The following ICE2 variants were observed in gnomAD, a reference collection of about 807,000 sequenced individuals.
ICE2 encodes the protein interactor of little elongation complex ELL subunit 2.
ICE2 carries 87 observed loss-of-function variants against 105.4 expected under a neutral mutation model. The observed-to-expected ratio is 0.83, with a 90% CI of 0.69 to 0.99. ICE2 has a LOEUF of 0.99. Among genes scored for constraint, ICE2 ranks in the 50% least tolerant of loss-of-function variants. ICE2 has a pLI of 0.00. For missense variants in ICE2, 1,323 were observed against 1,146.7 expected, an observed-to-expected ratio of 1.15 and a Z score of -2.22; for synonymous variants, 399 against 392.0, an observed-to-expected ratio of 1.02 and a Z score of -0.21.
At position 60,454,729 on chromosome 15, in the gene ICE2, G is replaced by A. The variant is rs180988346; in HGVS notation, c.943+274C>T. On this transcript the variant is annotated intron_variant, in intron 8 of 15. Transcript: ENST00000261520. ...TTACTTTAAGTTCGGGGATACATGT[G>A]GAGAATGGGCAGGTTTGTTACATAG... The A allele has an allele frequency of 3.6e-5, 11 of 302,580 alleles. No homozygotes were observed. The East Asian group carries it at 6.1e-4, about 17-fold the overall frequency. 18.7% of individuals were successfully genotyped at this position (302,580 alleles called of 1,614,324 possible). A position where few individuals can be genotyped will look rare whatever the true frequency, so the allele number is the denominator to read the frequency against.
chr15:60,425,644 T>A (rs1399958978), intron 15 of ICE2, among the ~76,000 whole-genome samples: 2 of 152,168 alleles, frequency 1.3e-5, no homozygotes, highest in African/African-American at 2.4e-5. Context: ...AAGGATGAGA[T>A]CAGAGTTCAA....
At chr15:60,468,439 G>T in intron 3 of ICE2, 117 bp from the exon 4 acceptor site, 2 of 766,998 alleles carry the variant, frequency 2.6e-6, no homozygotes, top group African/African-American at 1.7e-5. Context: ...AGTAAACTCT[G>T]GATTATTATC....
In ICE2 at chr15:60,454,625, T is replaced by C. The variant is rs146377372; in HGVS notation, c.943+378A>G. 3.8e-5 allele frequency: 6 copies of C among 159,922 alleles called. No individual in the cohort carries two copies. The East Asian group carries it at 1.1e-3, about 29-fold the overall frequency. The allele number at this position is 159,922 out of a possible 1,614,324, so 9.9% of individuals were successfully genotyped here. On this transcript the variant is annotated intron_variant, in intron 8 of 15. Transcript: ENST00000261520. Reference sequence around the variant, plus strand: ...TTACATCCTCCTTAAATCAGTACTTTGATATCTGACAACTGACCACCTATA... The same window carrying C: ...TTACATCCTCCTTAAATCAGTACTTCGATATCTGACAACTGACCACCTATA...
chr15:60,449,646 T>C lies in ICE2; in HGVS notation c.1321A>G (p.Thr441Ala). The change falls in exon 10 of 16, where the codon ACT becomes GCT. Residue 441 changes from threonine (T) to alanine (A), a missense_variant. Coordinates refer to ENST00000261520, the MANE Select transcript of ICE2 (RefSeq NM_024611.6). ...ATGTCTGGTGCACTTGGTGCCACAG[T>C]TGTAGTTCCTGCTTTGGGGGCTGTA... ...APTAPKAGTTTVAPSAPDISA... is the reference protein window; with the variant it reads ...APTAPKAGTTAVAPSAPDISA... 1.9e-6 allele frequency: 3 copies of C among 1,614,138 alleles called. No homozygotes were observed. The highest frequency in any genetic ancestry group is 2.2e-5 in the South Asian group (2 of 91,078).
intron 9 of ICE2, among the ~76,000 whole-genome samples, chr15:60,450,107 T>A (rs960984657): frequency 2.0e-5 from 3 of 152,066 alleles, no homozygotes; most frequent in Non-Finnish European, 2.9e-5. Context: ...AACTACCACA[T>A]CTCAAGAGGA....
intron 11 of ICE2, among the ~76,000 whole-genome samples, chr15:60,443,742 T>A (rs1013637006): frequency 6.6e-6 from 1 of 152,280 alleles, no homozygotes; most frequent in Admixed American, 6.5e-5. Flanking sequence ...TTGCAAATGG[T>A]TATCTGCATA....
At chr15:60,427,241 T>C (rs939842188) in intron 15 of ICE2, among the ~76,000 whole-genome samples, 2 of 152,188 alleles carry the variant, frequency 1.3e-5, no homozygotes, top group African/African-American at 2.4e-5. Context: ...TAATTCAGTA[T>C]AGTACAGACA....
intron 1 of ICE2, 175 bp downstream of exon 1, chr15:60,478,828 C>T: frequency 2.6e-6 from 1 of 386,014 alleles, no homozygotes; most frequent in Non-Finnish European, 5.3e-6. Context: ...AACAAGGTTC[C>T]AGAAAAGCAG....
chr15:60,464,162 T>C lies in ICE2; in HGVS notation c.528+2432A>G, dbSNP rs373439307. On this transcript the variant is annotated intron_variant, in intron 5 of 15. Transcript: ENST00000261520. ...GATGTAAAATACAACTTGGAGAAAATGTGCTGCCACATCAATATGGAAAAA... is the reference window on the plus strand; with the variant it reads ...GATGTAAAATACAACTTGGAGAAAACGTGCTGCCACATCAATATGGAAAAA... Among the ~76,000 whole-genome samples, 25 of 152,252 alleles carry C rather than the reference T, an allele frequency of 1.6e-4. 2 individuals are homozygous for C. In the South Asian group the frequency reaches 5.2e-3, roughly 32 times the overall value.
chr15:60,474,275 C>T (rs1432490159), intron 3 of ICE2, among the ~76,000 whole-genome samples: 1 of 151,956 alleles, frequency 6.6e-6, no homozygotes, highest in East Asian at 1.9e-4. Context: ...CAAAAAAGCA[C>T]TTTTTTCTTT....
Position 60,431,933 on chromosome 15 carries a change from C to A in ICE2, c.2561+1G>T. 7.4e-7 allele frequency: 1 copy of A among 1,350,746 alleles called. No individual in the cohort carries two copies. Among genetic ancestry groups the A allele is most frequent in the Non-Finnish European group, 1.0e-6 (1 of 963,006 alleles). The allele number at this position is 1,350,746 out of a possible 1,614,324, so 83.7% of individuals were successfully genotyped here. A position where few individuals can be genotyped will look rare whatever the true frequency, so the allele number is the denominator to read the frequency against. On this transcript the variant is annotated splice_donor_variant, in intron 14 of 15. Coordinates refer to ENST00000261520, the MANE Select transcript of ICE2 (RefSeq NM_024611.6). LOFTEE classifies it high-confidence loss of function. Reference sequence around the variant, plus strand: ...AAGCAAAATGCCTAAAAAATACTTACCTACTTAGTTTCTTTAGAATGTGTT... The same window carrying A: ...AAGCAAAATGCCTAAAAAATACTTAACTACTTAGTTTCTTTAGAATGTGTT...
At chr15:60,470,901 A>G (rs1324588818) in intron 3 of ICE2, among the ~76,000 whole-genome samples, 1 of 152,144 alleles carries the variant, frequency 6.6e-6, no homozygotes, top group Non-Finnish European at 1.5e-5. Flanking sequence ...TCTTATAAAT[A>G]CCCGTCATAA....
rs1158450628 is a variant in ICE2, at chr15:60,476,269, A to AC, written c.42-103dup. 77 of 685,616 alleles carry AC rather than the reference A, an allele frequency of 1.1e-4. No homozygotes were observed. The East Asian group carries it at 1.5e-3, about 13-fold the overall frequency. 42.5% of individuals were successfully genotyped at this position (685,616 alleles called of 1,614,324 possible). On this transcript the variant is annotated intron_variant, in intron 2 of 15. Coordinates refer to ENST00000261520, the MANE Select transcript of ICE2 (RefSeq NM_024611.6). ...GTAACTTACAATTTCATACCTTCTT[A>AC]CCCCCCCATCCCCAGACAATCTCTT...
At chr15:60,475,296 C>G (rs2141174782) in intron 3 of ICE2, among the ~76,000 whole-genome samples, 1 of 152,116 alleles carries the variant, frequency 6.6e-6, no homozygotes, top group East Asian at 1.9e-4. Context: ...AAAATTATCA[C>G]TTAATAGTCA....
chr15:60,458,679 C>A (rs569678544), intron 5 of ICE2, among the ~76,000 whole-genome samples: 2 of 152,038 alleles, frequency 1.3e-5, no homozygotes, highest in African/African-American at 4.8e-5. Context: ...AAGGTGGAAG[C>A]AACTCCAGTG....
chr15:60,456,566 A>AAAAAAAAAAG (rs2064124393), intron 6 of ICE2, 91 bp downstream of exon 6: 1 of 64,250 alleles, frequency 1.6e-5, no homozygotes, highest in African/African-American at 4.3e-5. Context: ...TAAATAAATA[A>AAAAAAAAAAG]ATATATATAT....
At chr15:60,456,553 AAAT>A (rs1422980046) in intron 6 of ICE2, 101 bp downstream of exon 6, 24 of 57,378 alleles carry the variant, frequency 4.2e-4, no homozygotes, top group African/African-American at 9.5e-4. Flanking sequence ...AAAAAAAAAT[AAAT>A]AAATAAATAA....
rs931985333 is a variant in ICE2 at position 60,422,829 on chromosome 15, A to C, written c.*805T>G. The stretch of plus-strand genomic sequence containing the variant: ...ACTCCAGCCTGGGCAACAGAGCGAG[A>C]CTCCATCTCAAAAAAAAAAAAAAGC... On this transcript the variant is annotated 3_prime_UTR_variant, in exon 16 of 16. Transcript: ENST00000261520. 2.7e-5 allele frequency: 4 copies of C among 147,032 alleles called. No homozygotes were observed. The highest frequency in any genetic ancestry group is 5.9e-5 in the Non-Finnish European group (4 of 67,548). 9.1% of individuals were successfully genotyped at this position (147,032 alleles called of 1,614,324 possible).
chr15:60,477,984 A>T lies in ICE2; in HGVS notation c.-7T>A. The stretch of plus-strand genomic sequence containing the variant: ...TGACCATCTTGGAGCTCATCTTCCT[A>T]GATTTCTGCTTCACTCTAGCTCACA... On this transcript the variant is annotated 5_prime_UTR_variant, in exon 2 of 16. Coordinates refer to ENST00000261520, the MANE Select transcript of ICE2 (RefSeq NM_024611.6). The T allele has an allele frequency of 6.2e-7, 1 of 1,613,926 alleles. No homozygotes were observed. The highest frequency in any genetic ancestry group is 8.5e-7 in the Non-Finnish European group (1 of 1,179,846).
Sources: allele counts gnomAD v4.1 joint callset (sites outside exome capture counted in the v4.1 genomes callset), GRCh38; gene constraint gnomAD v4.1.1; transcripts MANE v1.5; gene names NCBI Gene and HGNC (gene_info 2026-07-23, HGNC 2026-07-21).